Variants in OXNAD1 observed in about 807,000 individuals in gnomAD.
OXNAD1 encodes the protein oxidoreductase NAD binding domain containing 1.
A neutral mutation model predicts 32.9 loss-of-function variants in OXNAD1; 34 were observed. The observed-to-expected ratio is 1.03, with a 90% CI of 0.79 to 1.38. OXNAD1 has a LOEUF of 1.38. Ranked by LOEUF, OXNAD1 falls within the 40% of genes most tolerant of loss-of-function variation. The pLI is 0.00. For missense variants in OXNAD1, 407 were observed against 379.4 expected, an observed-to-expected ratio of 1.07 and a Z score of -0.60; for synonymous variants, 134 against 135.2, an observed-to-expected ratio of 0.99 and a Z score of 0.06.
chr3:16,281,035 T>C (rs1425808601), intron 4 of OXNAD1, among the ~76,000 whole-genome samples: 1 of 152,264 alleles, frequency 6.6e-6, no homozygotes, highest in Non-Finnish European at 1.5e-5. Flanking sequence ...TTCTCCACTA[T>C]GTTTTGCCTA....
At chr3:16,315,543 G>T (rs1180268925) in intron 9 of OXNAD1, 64 of 152,352 alleles carry the variant, frequency 4.2e-4, no homozygotes, top group African/African-American at 1.4e-3. Flanking sequence ...GTTAGACACT[G>T]ATGTAAGGTT....
Position 16,317,150 on chromosome 3 carries a change from T to A in OXNAD1, c.*30+13558T>A. 2 of 1,613,786 alleles carry A rather than the reference T, an allele frequency of 1.2e-6. No homozygotes were observed. Among genetic ancestry groups the A allele is most frequent in the Non-Finnish European group, 1.7e-6 (2 of 1,179,970 alleles). On this transcript the variant is annotated intron_variant, in intron 9 of 9. Coordinates refer to the OXNAD1 transcript ENST00000435829. This position sits in a 1 kb window ranked among gnomAD's most constrained non-coding sequence, Gnocchi z 4.3. ...GTTCTTCTCATTTTCTTCTGCTTGTTGTTTGTCTCTGGCACTGAGTTTACC... is the reference window on the plus strand; with the variant it reads ...GTTCTTCTCATTTTCTTCTGCTTGTAGTTTGTCTCTGGCACTGAGTTTACC...
chr3:16,339,589 A>G (rs962566064), downstream of OXNAD1: 1 of 152,222 alleles, frequency 6.6e-6, no homozygotes, highest in Non-Finnish European at 1.5e-5. Flanking sequence ...CACGGGACAA[A>G]CCAATGATGA....
chr3:16,285,235 G>A (rs1229949272), intron 4 of OXNAD1, among the ~76,000 whole-genome samples: 1 of 152,182 alleles, frequency 6.6e-6, no homozygotes, highest in Non-Finnish European at 1.5e-5. Flanking sequence ...TTTGAAAATG[G>A]TCTCCACTAA....
intron 9 of OXNAD1, among the ~76,000 whole-genome samples, chr3:16,343,596 G>C (rs1051034457): frequency 6.6e-6 from 1 of 152,234 alleles, no homozygotes; most frequent in Non-Finnish European, 1.5e-5. Flanking sequence ...AAGTCAGCCA[G>C]CACTGGACTG....
At chr3:16,286,561 C>T in intron 5 of OXNAD1, 113 bp downstream of exon 5, 1 of 825,436 alleles carries the variant, frequency 1.2e-6, no homozygotes, top group South Asian at 1.6e-5. Flanking sequence ...AAGAGGAATT[C>T]TAAATCATAT....
chr3:16,270,861 C>G (rs1280700731), intron 2 of OXNAD1, 84 bp from the exon 3 acceptor site: 8 of 1,569,484 alleles, frequency 5.1e-6, no homozygotes, highest in Non-Finnish European at 6.9e-6. Flanking sequence ...AATCCACACT[C>G]TTCCTCACTG....
intron 4 of OXNAD1, among the ~76,000 whole-genome samples, chr3:16,274,263 ATATAAC>A (rs1315840408): frequency 6.6e-6 from 1 of 152,070 alleles, no homozygotes. Context: ...TGGTTTATAA[ATATAAC>A]TATAACTACA....
chr3:16,302,714 A>C lies in OXNAD1; in HGVS notation c.750A>C (p.Thr250=). ...GTTTGCATGTTACAAAACAGACTAC[A>C]CAAATCAATGCGGAACTCAAGCCAT... ...ACSLHVTKQT[T]QINAELKPYI... The change falls in exon 8 of 9, where the codon ACA becomes ACC. Residue 250 remains threonine (T), a synonymous_variant. Coordinates refer to ENST00000285083, the MANE Select transcript of OXNAD1 (RefSeq NM_138381.5). This position sits in a 1 kb window ranked among gnomAD's most constrained non-coding sequence, Gnocchi z 4.2. 6.2e-7 allele frequency: 1 copy of C among 1,613,366 alleles called. No homozygotes were observed. Among genetic ancestry groups the C allele is most frequent in the Non-Finnish European group, 8.5e-7 (1 of 1,179,440 alleles).
intron 2 of OXNAD1, among the ~76,000 whole-genome samples, chr3:16,270,173 A>G (rs1167819790): frequency 6.6e-6 from 1 of 152,264 alleles, no homozygotes; most frequent in Non-Finnish European, 1.5e-5. Context: ...ATTAAGAAGC[A>G]ACATTGTCAC....
In OXNAD1 at chr3:16,335,899, CGCA is replaced by C. The variant is rs1419055624; in HGVS notation, c.*31-1211_*31-1209del. On this transcript the variant is annotated intron_variant, in intron 9 of 9. Transcript: ENST00000435829. This position sits in a 1 kb window ranked among gnomAD's most constrained non-coding sequence, Gnocchi z 4.7. The stretch of plus-strand genomic sequence containing the variant: ...TCTCAGGAGGCCACAGGCAGGACTC[CGCA>C]GGAGGGAAGTGGCCGACAGCAAGGA... Among the ~76,000 whole-genome samples, 1 of 152,168 alleles carries C rather than the reference CGCA, an allele frequency of 6.6e-6. No individual in the cohort carries two copies. Among genetic ancestry groups the C allele is most frequent in the Non-Finnish European group, 1.5e-5 (1 of 68,028 alleles).
chr3:16,341,303 G>C (rs1388267886), downstream of OXNAD1, among the ~76,000 whole-genome samples: 1 of 152,162 alleles, frequency 6.6e-6, no homozygotes, highest in African/African-American at 2.4e-5. This position sits in a 1 kb window ranked among gnomAD's most constrained non-coding sequence, Gnocchi z 4.7. Context: ...ATACTCCTTG[G>C]TATTTACCCA....
downstream of OXNAD1, among the ~76,000 whole-genome samples, chr3:16,342,203 C>T (rs1451805172): frequency 6.6e-6 from 1 of 150,952 alleles, no homozygotes; most frequent in Non-Finnish European, 1.5e-5. This position sits in a 1 kb window ranked among gnomAD's most constrained non-coding sequence, Gnocchi z 4.0. Context: ...ACTCCCCTTT[C>T]CCCCCACCCA....
rs1168695478 is a variant in OXNAD1, at chr3:16,277,507, AC to A, written c.183+5786del. On this transcript the variant is annotated intron_variant, in intron 4 of 8. Transcript: ENST00000285083. This position sits in a 1 kb window ranked among gnomAD's most constrained non-coding sequence, Gnocchi z 4.3. ...TGCCTTTAATTTGTATAGTGAGTAT[AC>A]TTTACACATGTTATTTGCTCTTCAG... Among the ~76,000 whole-genome samples the A allele has an allele frequency of 8.5e-5, 13 of 152,170 alleles. No individual in the cohort carries two copies. Among genetic ancestry groups the A allele is most frequent in the Admixed American group, 8.5e-4 (13 of 15,280 alleles).
chr3:16,306,489 C>G (rs574633973), downstream of OXNAD1, among the ~76,000 whole-genome samples: 2 of 152,338 alleles, frequency 1.3e-5, no homozygotes, highest in South Asian at 4.1e-4. Flanking sequence ...TAAGACCCTT[C>G]TGTGTTGTTT....
downstream of OXNAD1, among the ~76,000 whole-genome samples, chr3:16,307,218 A>C (rs553032291): frequency 2.6e-5 from 4 of 152,228 alleles, no homozygotes; most frequent in African/African-American, 9.6e-5. Context: ...ATGGCTTTTT[A>C]TACATTTGAT....
chr3:16,272,555 C>G (rs1293212834), intron 4 of OXNAD1, among the ~76,000 whole-genome samples: 3 of 151,540 alleles, frequency 2.0e-5, no homozygotes, highest in African/African-American at 4.9e-5. Flanking sequence ...AATGTAAAGG[C>G]ATATTGTTTA....
chr3:16,317,237 A>T lies in OXNAD1; in HGVS notation c.*30+13645A>T. The stretch of plus-strand genomic sequence containing the variant: ...TCTGGAGAATCGCCACTGAAACTAG[A>T]AATCAGAAAGGATGGGGATAAATAA... On this transcript the variant is annotated intron_variant, in intron 9 of 9. Coordinates refer to the OXNAD1 transcript ENST00000435829. The surrounding 1 kb of genome is among the most constrained non-coding windows in gnomAD (Gnocchi z 4.3). 6.2e-7 allele frequency: 1 copy of T among 1,611,184 alleles called. No homozygotes were observed. The highest frequency in any genetic ancestry group is 8.5e-7 in the Non-Finnish European group (1 of 1,179,936).
chr3:16,282,716 A>G (rs189630476), intron 4 of OXNAD1, among the ~76,000 whole-genome samples: 11 of 150,184 alleles, frequency 7.3e-5, no homozygotes, highest in Admixed American at 6.6e-4. Flanking sequence ...GGCAGGTGTT[A>G]GGTACCTTTG....
Sources: gnomAD v4.1 joint callset for allele counts (sites outside exome capture counted in the v4.1 genomes callset) on GRCh38, gnomAD v4.1.1 for gene constraint, Gnocchi (gnomAD v3.1) non-coding constraint, MANE v1.5 for transcripts, NCBI Gene and HGNC (gene_info 2026-07-23, HGNC 2026-07-21) for gene names.